Variants in ARHGEF10L observed in about 807,000 individuals in gnomAD.
ARHGEF10L encodes the protein Rho guanine nucleotide exchange factor 10 like.
In ARHGEF10L, 69 loss-of-function variants were observed where a neutral mutation model predicts 141.2. The observed-to-expected ratio is 0.49, with a 90% confidence interval of 0.40 to 0.60. The LOEUF (loss-of-function observed/expected upper bound fraction) is 0.60, where lower values mean the gene tolerates loss of function less well. Ranked by LOEUF, ARHGEF10L falls within the 20% of genes least tolerant of loss-of-function variation. ARHGEF10L has a pLI of 0.00. For missense variants in ARHGEF10L, 1,482 were observed against 1,734.3 expected (o/e 0.85, Z 2.58); for synonymous variants, 711 against 718.5 (o/e 0.99, Z 0.17).
At chr1:17,582,421 A>T (rs1247660057) in intron 2 of ARHGEF10L, among the ~76,000 whole-genome samples, 2 of 152,258 alleles carry the variant, frequency 1.3e-5, no homozygotes, top group Admixed American at 1.3e-4. Context: ...GGGTGAACCC[A>T]GCTCTTTGCC....
chr1:17,660,022 G>C (rs1434478117), intron 25 of ARHGEF10L, among the ~76,000 whole-genome samples: 1 of 152,220 alleles, frequency 6.6e-6, no homozygotes, highest in Non-Finnish European at 1.5e-5. Context: ...GTCCTCAGGA[G>C]CATCTGCTTG....
At chr1:17,535,846 T>A (rs961976586), upstream of ARHGEF10L, among the ~76,000 whole-genome samples, 5 of 152,232 alleles carry the variant, frequency 3.3e-5, no homozygotes, top group African/African-American at 9.6e-5. Context: ...GTGTCTATGC[T>A]GCACCAGGTT....
At chr1:17,646,878 C>T (rs1047115722) in intron 21 of ARHGEF10L, among the ~76,000 whole-genome samples, 10 of 152,096 alleles carry the variant, frequency 6.6e-5, no homozygotes, top group Middle Eastern at 3.4e-3. Flanking sequence ...AAGGGACCTT[C>T]GCAGCTCTTC....
chr1:17,552,589 T>G (rs1038568722), intron 1 of ARHGEF10L, among the ~76,000 whole-genome samples: 114 of 118,760 alleles, frequency 9.6e-4, no homozygotes, highest in South Asian at 2.0e-3. Flanking sequence ...TTTTTTTTTT[T>G]TTTTTTTTTT....
intron 16 of ARHGEF10L, 133 bp from the exon 17 acceptor site, chr1:17,634,415 C>A (rs2101724786): frequency 4.1e-6 from 6 of 1,471,662 alleles, no homozygotes; most frequent in Non-Finnish European, 4.7e-6. Flanking sequence ...TGCCCTCATT[C>A]CCCGCAGGAG....
chr1:17,549,459 G>A (rs928652275), intron 1 of ARHGEF10L, among the ~76,000 whole-genome samples: 1 of 152,158 alleles, frequency 6.6e-6, no homozygotes. Flanking sequence ...GGGTAGAGAG[G>A]GTGTATGTGG....
At chr1:17,643,048 A>G (rs2061410796) in intron 21 of ARHGEF10L, among the ~76,000 whole-genome samples, 1 of 152,186 alleles carries the variant, frequency 6.6e-6, no homozygotes, top group Non-Finnish European at 1.5e-5. Context: ...GTTTTAATGG[A>G]AGAAGAGTCA....
intron 1 of ARHGEF10L, among the ~76,000 whole-genome samples, chr1:17,550,630 T>G (rs1570409064): frequency 4.7e-5 from 6 of 128,208 alleles, no homozygotes; most frequent in African/African-American, 9.2e-5. Context: ...GCAACGAGAG[T>G]GAAACTCCAT....
chr1:17,598,229 G>A, intron 4 of ARHGEF10L, among the ~76,000 whole-genome samples: 1 of 151,906 alleles, frequency 6.6e-6, no homozygotes, highest in Non-Finnish European at 1.5e-5. Flanking sequence ...AGCCTCCTGA[G>A]TAGCTGGGAT....
chr1:17,665,769 T>C (rs146244511), intron 26 of ARHGEF10L, among the ~76,000 whole-genome samples: 120 of 152,318 alleles, frequency 7.9e-4, no homozygotes, highest in African/African-American at 2.7e-3. Flanking sequence ...CAAGTATATG[T>C]ATACACACGT....
chr1:17,518,802 C>CAA, the ARHGEF10L span, among the ~76,000 whole-genome samples: 26 of 99,868 alleles, frequency 2.6e-4, no homozygotes, highest in African/African-American at 8.7e-4. Context: ...GATTCTGTCT[C>CAA]AAAAAAAAAA....
intron 5 of ARHGEF10L, 82 bp downstream of exon 5, chr1:17,602,300 T>TG: frequency 2.1e-6 from 3 of 1,451,370 alleles, no homozygotes; most frequent in Non-Finnish European, 2.8e-6. Context: ...AGAGAGCTGA[T>TG]GTGGGCTCCT....
At chr1:17,633,239 C>G (rs553482774) in intron 16 of ARHGEF10L, among the ~76,000 whole-genome samples, 1 of 152,250 alleles carries the variant, frequency 6.6e-6, no homozygotes, top group Non-Finnish European at 1.5e-5. Flanking sequence ...CCTGCTTGGT[C>G]CTGCAGGGGA....
At chr1:17,596,607 T>C (rs1003231743) in intron 4 of ARHGEF10L, among the ~76,000 whole-genome samples, 2 of 152,184 alleles carry the variant, frequency 1.3e-5, no homozygotes, top group Admixed American at 1.3e-4. Context: ...TGTTCTGGTT[T>C]TGGGGGTCTC....
intron 18 of ARHGEF10L, among the ~76,000 whole-genome samples, chr1:17,636,211 G>A (rs919652062): frequency 3.3e-5 from 5 of 152,124 alleles, no homozygotes; most frequent in South Asian, 2.1e-4. Context: ...TCCCTCCTTC[G>A]GTGACAATGA....
At chr1:17,589,014 A>AG (rs1433627954) in intron 4 of ARHGEF10L, among the ~76,000 whole-genome samples, 4 of 151,918 alleles carry the variant, frequency 2.6e-5, no homozygotes, top group African/African-American at 7.3e-5. Flanking sequence ...AGTTGCTATT[A>AG]GGGACCCTGC....
chr1:17,618,289 T>C (rs2059916360), intron 9 of ARHGEF10L: 6 of 1,040,654 alleles, frequency 5.8e-6, no homozygotes, highest in Non-Finnish European at 7.8e-6. Flanking sequence ...AGCGCCTTCC[T>C]GAAGTGACCC....
the ARHGEF10L span, among the ~76,000 whole-genome samples, chr1:17,531,403 A>C: frequency 6.6e-6 from 1 of 152,012 alleles, no homozygotes; most frequent in East Asian, 1.9e-4. Flanking sequence ...TGGGAGCTTA[A>C]CCCCTTGAGT....
intron 26 of ARHGEF10L, among the ~76,000 whole-genome samples, chr1:17,683,660 G>A (rs1393435302): frequency 1.3e-5 from 2 of 152,194 alleles, no homozygotes; most frequent in Non-Finnish European, 2.9e-5. Flanking sequence ...GTGCTGTGCT[G>A]TTCTCCCTAT....
Sources: allele counts gnomAD v4.1 joint callset (sites outside exome capture counted in the v4.1 genomes callset), GRCh38; gene constraint gnomAD v4.1.1; transcripts MANE v1.5; gene names NCBI Gene and HGNC (gene_info 2026-07-23, HGNC 2026-07-21).